Variants in TRPC5 observed in about 807,000 individuals in gnomAD.
TRPC5 encodes the protein short transient receptor potential channel 5.
TRPC5 carries 9 observed loss-of-function variants against 56.5 expected under a neutral mutation model. That is an observed-to-expected ratio of 0.16 (90% CI 0.10 to 0.28). The LOEUF (loss-of-function observed/expected upper bound fraction) is 0.28, where lower values mean the gene tolerates loss of function less well. TRPC5 is among the 10% of genes least tolerant of loss of function. The pLI is 1.00. For missense variants in TRPC5, 469 were observed against 748.9 expected (o/e 0.63, Z 4.36); for synonymous variants, 282 against 278.5 (o/e 1.01, Z -0.13).
chrX:111,967,163 C>G (rs1927615123), intron 1 of TRPC5, among the ~76,000 whole-genome samples: 1 of 111,727 alleles, frequency 9.0e-6, no homozygotes, highest in South Asian at 3.8e-4. Context: ...ACAAAAATCA[C>G]AAGCATTCTT....
intron 3 of TRPC5, chrX:111,903,822 G>T (rs1031886822): frequency 4.5e-5 from 5 of 112,049 alleles, no homozygotes; most frequent in African/African-American, 9.7e-5. Flanking sequence ...ATTTGTTTGG[G>T]TTAAAATATG....
At chrX:111,944,303 T>TGAAAGA (rs1556592296) in intron 2 of TRPC5, among the ~76,000 whole-genome samples, 6 of 61,392 alleles carry the variant, frequency 9.8e-5, no homozygotes, top group African/African-American at 6.3e-4. Flanking sequence ...TGTGTGTGTG[T>TGAAAGA]GAGAGAGAGA....
chrX:111,850,966 A>G (rs1336941330), intron 5 of TRPC5, among the ~76,000 whole-genome samples: 1 of 112,225 alleles, frequency 8.9e-6, no homozygotes, highest in Non-Finnish European at 1.9e-5. Flanking sequence ...CCTTTACTTT[A>G]CAGTGTTACT....
Position 111,774,359 on chromosome X carries a change from T to A in TRPC5, c.*1954A>T, listed in dbSNP as rs1439100029. On this transcript the variant is annotated 3_prime_UTR_variant, in exon 11 of 11. Coordinates refer to ENST00000262839, the MANE Select transcript of TRPC5 (RefSeq NM_012471.3). ...GAATGTAGCCCAGGTTCTATTATTA[T>A]TCAAAGTGAATTTGACAATTTGAAA... 8.9e-6 allele frequency: 1 copy of A among 112,155 alleles called. No homozygotes were observed. Among genetic ancestry groups the A allele is most frequent in the Non-Finnish European group, 1.9e-5 (1 of 53,218 alleles). The allele number at this position is 112,155 out of a possible 1,213,427, so 9.2% of individuals were successfully genotyped here.
rs1221305892 is a variant in TRPC5 at position 111,903,363 on chromosome X, A to C, written c.900+8928T>G. On this transcript the variant is annotated intron_variant, in intron 3 of 10. Transcript: ENST00000262839. ...GTTTTCAGGAGAGAGAAGCAAATTA[A>C]TAAATTGTCAACAGTTATGCGACGG... is the stretch of plus-strand genomic sequence containing the variant. The C allele has an allele frequency of 2.7e-5, 3 of 112,442 alleles. No homozygotes were observed. The East Asian group carries it at 8.4e-4, about 31-fold the overall frequency. The allele number at this position is 112,442 out of a possible 1,213,427, so 9.3% of individuals were successfully genotyped here.
chrX:111,983,761 A>C (rs1028058294), intron 1 of TRPC5, among the ~76,000 whole-genome samples: 12 of 110,442 alleles, frequency 1.1e-4, no homozygotes, highest in Non-Finnish European at 2.1e-4. Context: ...GCAGCTGTTT[A>C]CTCTTGGGTG....
intron 3 of TRPC5, among the ~76,000 whole-genome samples, chrX:111,900,617 G>A (rs1925295084): frequency 9.0e-6 from 1 of 111,324 alleles, no homozygotes; most frequent in Non-Finnish European, 1.9e-5. Flanking sequence ...GAAGCTTCGG[G>A]GACTTTAAGT....
chrX:111,813,690 T>A (rs1921778493), intron 7 of TRPC5, among the ~76,000 whole-genome samples: 2 of 112,293 alleles, frequency 1.8e-5, no homozygotes, highest in South Asian at 7.5e-4. Flanking sequence ...ATGATAACTC[T>A]TAAGGAGAAA....
At position 112,044,467 on chromosome X, in the gene TRPC5, T is replaced by A. The variant is rs189226270; in HGVS notation, c.-22+37412A>T. Among the ~76,000 whole-genome samples, 29 of 112,129 alleles carry A rather than the reference T, an allele frequency of 2.6e-4. No individual in the cohort carries two copies. The East Asian group carries it at 7.0e-3, about 27-fold the overall frequency. On this transcript the variant is annotated intron_variant, in intron 1 of 10. Transcript: ENST00000262839. ...CAGTTTCCTCACCTATGAAATGGAA[T>A]GATGATAATGACTGCCCTTCCATAC...
chrX:112,043,645 T>TAA (rs370812753), intron 1 of TRPC5, among the ~76,000 whole-genome samples: 11 of 75,744 alleles, frequency 1.5e-4, no homozygotes, highest in African/African-American at 3.2e-4. Context: ...TGAGAAGAGG[T>TAA]AAAAAAAAAA....
chrX:111,825,347 G>A (rs1399102433), intron 7 of TRPC5, among the ~76,000 whole-genome samples: 3 of 107,620 alleles, frequency 2.8e-5, no homozygotes, highest in East Asian at 5.8e-4. Flanking sequence ...CACCTCCTGG[G>A]TTCCAGCGAT....
intron 1 of TRPC5, among the ~76,000 whole-genome samples, chrX:111,960,936 C>T (rs979973027): frequency 9.0e-5 from 10 of 110,977 alleles, no homozygotes; most frequent in African/African-American, 2.3e-4. Flanking sequence ...CTCAACCTCC[C>T]GAGTAGTTGG....
intron 3 of TRPC5, among the ~76,000 whole-genome samples, chrX:111,856,916 A>C (rs1923254738): frequency 9.1e-6 from 1 of 110,334 alleles, no homozygotes; most frequent in African/African-American, 3.3e-5. Context: ...TAGTATAATA[A>C]AGCAGTTGCA....
At chrX:111,866,645 G>T (rs942064867) in intron 3 of TRPC5, among the ~76,000 whole-genome samples, 1 of 112,389 alleles carries the variant, frequency 8.9e-6, no homozygotes, top group African/African-American at 3.2e-5. Context: ...AATATTTCTT[G>T]ATAGGAAAAA....
intron 1 of TRPC5, among the ~76,000 whole-genome samples, chrX:112,064,423 C>T (rs1930531729): frequency 8.9e-6 from 1 of 111,782 alleles, no homozygotes; most frequent in African/African-American, 3.3e-5. Context: ...GCCAGTCAGT[C>T]GACAAGTGTA....
At position 111,888,369 on chromosome X, in the gene TRPC5, C is replaced by T. The variant is rs775921849; in HGVS notation, c.900+23922G>A. Among the ~76,000 whole-genome samples, 9 of 109,494 alleles carry T rather than the reference C, an allele frequency of 8.2e-5. No individual in the cohort carries two copies. The South Asian group carries it at 3.2e-3, about 39-fold the overall frequency. On this transcript the variant is annotated intron_variant, in intron 3 of 10. Transcript: ENST00000262839. ...ACTTCCATTTTAAAGGGATCACTGTCGGTCCTGTTGAAAAAGAGACTGTAG... is the reference window on the plus strand; with the variant it reads ...ACTTCCATTTTAAAGGGATCACTGTTGGTCCTGTTGAAAAAGAGACTGTAG...
chrX:112,081,900 G>A lies in TRPC5; in HGVS notation c.-43C>T, dbSNP rs1374967586. 3 of 111,702 alleles carry A rather than the reference G, an allele frequency of 2.7e-5. No homozygotes were observed. The highest frequency in any genetic ancestry group is 9.8e-5 in the African/African-American group (3 of 30,597). The allele number at this position is 111,702 out of a possible 1,213,427, so 9.2% of individuals were successfully genotyped here. A position where few individuals can be genotyped will look rare whatever the true frequency, so the allele number is the denominator to read the frequency against. On this transcript the variant is annotated 5_prime_UTR_variant, in exon 1 of 11. Coordinates refer to ENST00000262839, the MANE Select transcript of TRPC5 (RefSeq NM_012471.3). ...TTACCCTGAGCCAAGTGGTTTTTTC[G>A]GATAAAATCTGTGTCGTCTGGATGT...
intron 1 of TRPC5, among the ~76,000 whole-genome samples, chrX:112,019,489 G>A (rs979065691): frequency 9.2e-6 from 1 of 109,079 alleles, no homozygotes; most frequent in Non-Finnish European, 1.9e-5. Flanking sequence ...AGGCTGGAGT[G>A]CAGTGGCGCG....
intron 7 of TRPC5, among the ~76,000 whole-genome samples, chrX:111,827,961 C>T (rs1170248278): frequency 8.9e-6 from 1 of 111,853 alleles, no homozygotes; most frequent in East Asian, 2.8e-4. Context: ...GGTTACTCCA[C>T]TCCAGTCATA....
Sources: gnomAD v4.1 joint callset for allele counts (sites outside exome capture counted in the v4.1 genomes callset) on GRCh38, gnomAD v4.1.1 for gene constraint, MANE v1.5 for transcripts, NCBI Gene and HGNC (gene_info 2026-07-23, HGNC 2026-07-21) for gene names.